CTTNBP2NL: variants seen among roughly 807,000 people sequenced by gnomAD.
CTTNBP2NL encodes CTTNBP2 N-terminal-like protein.
CTTNBP2NL carries 16 observed loss-of-function variants against 32.5 expected under a neutral mutation model. The ratio of observed to expected loss-of-function variants is 0.49; its 90% confidence interval spans 0.33 to 0.75. The LOEUF (loss-of-function observed/expected upper bound fraction) is 0.75, where lower values mean the gene tolerates loss of function less well. CTTNBP2NL is among the 30% of genes least tolerant of loss of function. The probability of loss-of-function intolerance (pLI) is 0.02; values close to 1 mark genes in which losing one functional copy is unlikely to be tolerated. For synonymous variants in CTTNBP2NL, 298 were observed against 289.4 expected (o/e 1.03, Z -0.30); for missense variants, 645 against 756.0 (o/e 0.85, Z 1.72).
chr1:112,426,021 A>G (rs1300434318), intron 3 of CTTNBP2NL, among the ~76,000 whole-genome samples: 1 of 147,824 alleles, frequency 6.8e-6, no homozygotes, highest in East Asian at 2.0e-4. Flanking sequence ...GTCTTACTAC[A>G]TTGGCTAGAA....
chr1:112,392,225 A>T (rs1648206255), upstream of CTTNBP2NL, among the ~76,000 whole-genome samples: 1 of 152,190 alleles, frequency 6.6e-6, no homozygotes, highest in Non-Finnish European at 1.5e-5. Flanking sequence ...TATGAATTCC[A>T]TGACTTTGGA....
At chr1:112,455,807 T>G (rs545225854) in intron 5 of CTTNBP2NL, 124 bp from the exon 6 acceptor site, 1 of 682,704 alleles carries the variant, frequency 1.5e-6, no homozygotes, top group East Asian at 2.8e-5. Context: ...TTCTAAAATT[T>G]CAGAAATACT....
rs556063100 is a variant in CTTNBP2NL, at chr1:112,404,790, G to A, written c.-133-7404G>A. ...GATTCAGCCGGGTGCAGTGGCTCAC[G>A]CCTGTAATTCCAGCACTTTGGGAGG... On this transcript the variant is annotated intron_variant, in intron 1 of 5. Transcript: ENST00000271277. Among the ~76,000 whole-genome samples the A allele has an allele frequency of 7.9e-5, 12 of 152,288 alleles. No homozygotes were observed. In the East Asian group the frequency reaches 1.9e-3, roughly 24 times the overall value.
chr1:112,455,176 T>C (rs1019473903), intron 5 of CTTNBP2NL, among the ~76,000 whole-genome samples: 2 of 152,130 alleles, frequency 1.3e-5, no homozygotes, highest in Non-Finnish European at 2.9e-5. Flanking sequence ...CAAATAGGGT[T>C]GGGAAGACAA....
intron 3 of CTTNBP2NL, among the ~76,000 whole-genome samples, chr1:112,447,670 C>T (rs963741377): frequency 6.6e-6 from 1 of 151,952 alleles, no homozygotes; most frequent in Non-Finnish European, 1.5e-5. Context: ...CCCATGTTTG[C>T]TTTATTTTCT....
At chr1:112,447,100 C>T (rs929085289) in intron 3 of CTTNBP2NL, among the ~76,000 whole-genome samples, 1 of 151,706 alleles carries the variant, frequency 6.6e-6, no homozygotes, top group African/African-American at 2.4e-5. Flanking sequence ...TGGTGAAACC[C>T]CGTCTCTATT....
intron 3 of CTTNBP2NL, among the ~76,000 whole-genome samples, chr1:112,418,681 C>T (rs1649138419): frequency 6.6e-6 from 1 of 151,960 alleles, no homozygotes. Flanking sequence ...TGCTCATGAA[C>T]TGTCTGGGGG....
intron 3 of CTTNBP2NL, among the ~76,000 whole-genome samples, chr1:112,439,156 C>T (rs1649826136): frequency 6.6e-6 from 1 of 152,126 alleles, no homozygotes; most frequent in Non-Finnish European, 1.5e-5. Flanking sequence ...TGTATGATTA[C>T]ACTGTCCTTG....
intron 3 of CTTNBP2NL, among the ~76,000 whole-genome samples, chr1:112,416,474 G>A (rs980451975): frequency 1.3e-5 from 2 of 151,350 alleles, no homozygotes; most frequent in Admixed American, 6.6e-5. Flanking sequence ...TTAGTTTCTC[G>A]ATCTGATGTC....
chr1:112,391,638 T>A (rs547632639), upstream of CTTNBP2NL, among the ~76,000 whole-genome samples: 5 of 152,330 alleles, frequency 3.3e-5, no homozygotes, highest in South Asian at 1.0e-3. Context: ...ATAGCTCTCC[T>A]CCTAGCTACT....
At chr1:112,421,731 T>C (rs1037707255) in intron 3 of CTTNBP2NL, among the ~76,000 whole-genome samples, 1 of 152,178 alleles carries the variant, frequency 6.6e-6, no homozygotes, top group Admixed American at 6.5e-5. Context: ...TTGTTTTTCT[T>C]ATGGGAATTG....
At chr1:112,411,150 A>T (rs1368578917) in intron 1 of CTTNBP2NL, among the ~76,000 whole-genome samples, 2 of 152,154 alleles carry the variant, frequency 1.3e-5, no homozygotes, top group Non-Finnish European at 2.9e-5. Flanking sequence ...TTCCTGTCCT[A>T]ACTTGAGAGA....
intron 3 of CTTNBP2NL, among the ~76,000 whole-genome samples, chr1:112,430,546 C>CT (rs552996822): frequency 5.0e-4 from 40 of 80,466 alleles, no homozygotes; most frequent in East Asian, 1.6e-3. Context: ...CCATAGCTAG[C>CT]TTTTTTTTTT....
intron 3 of CTTNBP2NL, among the ~76,000 whole-genome samples, chr1:112,448,530 T>C (rs1042957961): frequency 6.6e-6 from 1 of 152,174 alleles, no homozygotes; most frequent in Non-Finnish European, 1.5e-5. Flanking sequence ...TAAGCAGATA[T>C]AAGCAGAGTC....
chr1:112,440,513 C>T (rs992149265), intron 3 of CTTNBP2NL, among the ~76,000 whole-genome samples: 1 of 152,146 alleles, frequency 6.6e-6, no homozygotes, highest in Non-Finnish European at 1.5e-5. Flanking sequence ...ACCCAGGGTA[C>T]ACACCTATAT....
intron 3 of CTTNBP2NL, among the ~76,000 whole-genome samples, chr1:112,435,385 C>G (rs900479952): frequency 6.6e-6 from 1 of 152,076 alleles, no homozygotes; most frequent in Non-Finnish European, 1.5e-5. Context: ...TTATTTACCA[C>G]TATATCCCAG....
chr1:112,439,933 C>T (rs7526124), intron 3 of CTTNBP2NL, among the ~76,000 whole-genome samples: 1,710 of 152,314 alleles, frequency 0.011, 34 homozygotes, highest in African/African-American at 0.039. Context: ...TTCCTCTAAA[C>T]ATTAATGATA....
chr1:112,402,920 C>T (rs1439742805), intron 1 of CTTNBP2NL, among the ~76,000 whole-genome samples: 1 of 152,138 alleles, frequency 6.6e-6, no homozygotes, highest in East Asian at 1.9e-4. Flanking sequence ...TCTCGTATCA[C>T]AGTCATCATT....
chr1:112,443,947 A>G (rs774943347), intron 3 of CTTNBP2NL, among the ~76,000 whole-genome samples: 1 of 152,212 alleles, frequency 6.6e-6, no homozygotes, highest in African/African-American at 2.4e-5. Context: ...TTCAGTGTGC[A>G]TGTGATAATG....
Sources: allele counts gnomAD v4.1 joint callset (sites outside exome capture counted in the v4.1 genomes callset), GRCh38; gene constraint gnomAD v4.1.1; transcripts MANE v1.5; gene names NCBI Gene and HGNC (gene_info 2026-07-23, HGNC 2026-07-21).